SLCO3A1: variants seen among roughly 807,000 people sequenced by gnomAD.
SLCO3A1 encodes the protein solute carrier organic anion transporter family member 3A1.
A neutral mutation model predicts 63.1 loss-of-function variants in SLCO3A1; 27 were observed. The observed-to-expected ratio is 0.43, with a 90% CI of 0.32 to 0.59. The LOEUF (loss-of-function observed/expected upper bound fraction) is 0.59. SLCO3A1 is among the 20% of genes least tolerant of loss of function. SLCO3A1 has a pLI of 0.09. For missense variants in SLCO3A1, 773 were observed against 945.8 expected (o/e 0.82, Z 2.40); for synonymous variants, 473 against 409.9 (o/e 1.15, Z -1.86).
intron 5 of SLCO3A1, 135 bp from the exon 6 acceptor site, chr15:92,125,926 G>A: frequency 1.4e-6 from 1 of 703,908 alleles, no homozygotes; most frequent in Non-Finnish European, 2.5e-6. Flanking sequence ...AGACTCCAGG[G>A]TCCCATGGAG....
chr15:91,979,948 C>G lies in SLCO3A1; in HGVS notation c.646+63490C>G, dbSNP rs566682374. Among the ~76,000 whole-genome samples, 3 of 152,330 alleles carry G rather than the reference C, an allele frequency of 2.0e-5. No individual in the cohort carries two copies. The East Asian group carries it at 5.8e-4, about 29-fold the overall frequency. On this transcript the variant is annotated intron_variant, in intron 2 of 9. Coordinates refer to ENST00000318445, the MANE Select transcript of SLCO3A1 (RefSeq NM_013272.4). ...CTCTCCTAGTCAGCCAAAACTTTTG[C>G]CACTGAGCTTCACTTAAGCAAGCAA...
chr15:92,130,305 C>G (rs1206850612), intron 7 of SLCO3A1, among the ~76,000 whole-genome samples: 2 of 152,252 alleles, frequency 1.3e-5, no homozygotes, highest in African/African-American at 4.8e-5. Flanking sequence ...GTAAGCTTCT[C>G]TGCTTACCTC....
chr15:92,138,847 G>A (rs1227883043), intron 7 of SLCO3A1, among the ~76,000 whole-genome samples: 2 of 96,746 alleles, frequency 2.1e-5, no homozygotes, highest in Non-Finnish European at 3.8e-5. Context: ...CTTTGCTGAA[G>A]TTGCTTATCA....
At position 91,916,359 on chromosome 15, in the gene SLCO3A1, G is replaced by T; in HGVS notation, c.547G>T (p.Ala183Ser). 6.2e-7 allele frequency: 1 copy of T among 1,611,802 alleles called. No individual in the cohort carries two copies. Among genetic ancestry groups the T allele is most frequent in the Non-Finnish European group, 8.5e-7 (1 of 1,179,340 alleles). The change falls in exon 2 of 10, where the codon GCC (alanine) becomes TCC (serine). Residue 183 changes from alanine (A) to serine (S), a missense_variant. By Grantham distance (99) the Ala-to-Ser change is moderately conservative. Around this residue, in one of 3 missense-constraint regions of SLCO3A1, gnomAD observed 565 missense variants for 749.8 expected, o/e 0.75. Transcript: ENST00000318445. This position sits in a 1 kb window ranked among gnomAD's most constrained non-coding sequence, Gnocchi z 6.2. ...TNMMYLLLIG[A>S]QVLLGIGATP... ...CATGATGTACTTGCTGCTCATTGGG[G>T]CCCAGGTGCTCCTGGGCATCGGTGC...
intron 7 of SLCO3A1, among the ~76,000 whole-genome samples, chr15:92,136,129 A>G (rs2048054179): frequency 6.6e-6 from 1 of 152,242 alleles, no homozygotes; most frequent in African/African-American, 2.4e-5. Context: ...GAAAGAGAAA[A>G]GAAATTTTCA....
Position 92,100,588 on chromosome 15 carries a change from A to G in SLCO3A1, c.746-3691A>G, listed in dbSNP as rs552520287. 1.2e-4 allele frequency among the ~76,000 whole-genome samples: 19 copies of G among 152,346 alleles called. No individual in the cohort carries two copies. The South Asian group carries it at 3.9e-3, about 32-fold the overall frequency. Reference sequence around the variant, plus strand: ...CCATTTTTTTTAAAGTTAAGACACTAACTAGAACCAAATAGAGAAGTAAAG... The same window carrying G: ...CCATTTTTTTTAAAGTTAAGACACTGACTAGAACCAAATAGAGAAGTAAAG... On this transcript the variant is annotated intron_variant, in intron 3 of 9. Coordinates refer to ENST00000318445, the MANE Select transcript of SLCO3A1 (RefSeq NM_013272.4).
At chr15:92,157,356 TCCC>T (rs2048383814) in intron 9 of SLCO3A1, 1 of 151,972 alleles carries the variant, frequency 6.6e-6, no homozygotes, top group Non-Finnish European at 1.5e-5. Flanking sequence ...ATCATCAAGC[TCCC>T]TTGTAACTAA....
chr15:92,156,950 G>A (rs1175195279), intron 9 of SLCO3A1, among the ~76,000 whole-genome samples: 2 of 151,542 alleles, frequency 1.3e-5, no homozygotes, highest in Non-Finnish European at 3.0e-5. Context: ...AACTAAGAGA[G>A]TAAATTAAAT....
chr15:92,065,717 T>A (rs1370308813), intron 2 of SLCO3A1, among the ~76,000 whole-genome samples: 1 of 152,218 alleles, frequency 6.6e-6, no homozygotes. Flanking sequence ...CTTCTTTTTT[T>A]AACAATGTTA....
At chr15:91,928,116 C>T (rs1899096310) in intron 2 of SLCO3A1, among the ~76,000 whole-genome samples, 2 of 152,204 alleles carry the variant, frequency 1.3e-5, no homozygotes, top group South Asian at 4.1e-4. Flanking sequence ...AGCCTTGTTA[C>T]TGGTTGTGTG....
At chr15:91,961,826 C>T (rs1452485604) in intron 2 of SLCO3A1, among the ~76,000 whole-genome samples, 2 of 152,188 alleles carry the variant, frequency 1.3e-5, no homozygotes, top group Non-Finnish European at 2.9e-5. Flanking sequence ...ATGAGAGCGA[C>T]CCATTCACTG....
At chr15:92,029,191 A>C (rs1794496918) in intron 2 of SLCO3A1, among the ~76,000 whole-genome samples, 1 of 152,204 alleles carries the variant, frequency 6.6e-6, no homozygotes, top group Non-Finnish European at 1.5e-5. Flanking sequence ...AAAACTCCGC[A>C]GCCTCTTATA....
intron 4 of SLCO3A1, among the ~76,000 whole-genome samples, chr15:92,111,034 C>T (rs1253867691): frequency 2.0e-5 from 3 of 152,210 alleles, no homozygotes; most frequent in Non-Finnish European, 4.4e-5. Flanking sequence ...CTCTGGGCTT[C>T]ATGTTGTCGC....
intron 2 of SLCO3A1, among the ~76,000 whole-genome samples, chr15:91,970,453 T>A (rs947976400): frequency 2.0e-5 from 3 of 152,098 alleles, no homozygotes; most frequent in African/African-American, 7.2e-5. Flanking sequence ...TGTGGAGTCC[T>A]CTCCTTTCTC....
intron 2 of SLCO3A1, among the ~76,000 whole-genome samples, chr15:91,934,985 C>T (rs561242812): frequency 1.3e-5 from 2 of 152,244 alleles, no homozygotes; most frequent in East Asian, 1.9e-4. Flanking sequence ...GACAGAGTCT[C>T]GCTTTGTCGC....
intron 8 of SLCO3A1, among the ~76,000 whole-genome samples, chr15:92,147,987 C>G (rs901933874): frequency 4.6e-5 from 7 of 152,118 alleles, no homozygotes; most frequent in African/African-American, 1.7e-4. Context: ...GAGGCCAAGG[C>G]TGGAGGATCG....
intron 2 of SLCO3A1, among the ~76,000 whole-genome samples, chr15:92,010,003 A>G (rs2046351948): frequency 6.6e-6 from 1 of 152,188 alleles, no homozygotes; most frequent in Non-Finnish European, 1.5e-5. Flanking sequence ...TTCATTGTGT[A>G]GCTCCTCCCT....
chr15:91,972,290 G>A (rs907396318), intron 2 of SLCO3A1, among the ~76,000 whole-genome samples: 3 of 152,134 alleles, frequency 2.0e-5, no homozygotes, highest in Non-Finnish European at 4.4e-5. Flanking sequence ...AACCAAGGTG[G>A]TATGGTCTGA....
At chr15:92,068,914 G>A (rs565917956) in intron 2 of SLCO3A1, among the ~76,000 whole-genome samples, 31 of 152,206 alleles carry the variant, frequency 2.0e-4, no homozygotes, top group African/African-American at 6.7e-4. Flanking sequence ...CCTGTAACAC[G>A]CTGGGTCACA....
Sources: allele counts gnomAD v4.1 joint callset (sites outside exome capture counted in the v4.1 genomes callset), GRCh38; gene constraint gnomAD v4.1.1; regional missense constraint gnomAD v4.1.1; non-coding constraint Gnocchi (gnomAD v3.1); transcripts MANE v1.5; gene names NCBI Gene and HGNC (gene_info 2026-07-23, HGNC 2026-07-21).